PLCB4: variants seen among roughly 807,000 people sequenced by gnomAD.
The protein encoded by PLCB4 is phospholipase C beta 4, also known as 1-phosphatidylinositol 4,5-bisphosphate phosphodiesterase beta-4.
A neutral mutation model predicts 178.8 loss-of-function variants in PLCB4; 77 were observed. That is an observed-to-expected ratio of 0.43 (90% CI 0.36 to 0.52). The LOEUF (loss-of-function observed/expected upper bound fraction) is 0.52. PLCB4 is among the 20% of genes least tolerant of loss of function. The pLI is 0.00. For synonymous variants in PLCB4, 496 were observed against 490.8 expected (o/e 1.01, Z -0.14); for missense variants, 1,024 against 1,453.4 (o/e 0.70, Z 4.80).
At chr20:9,134,376 T>C (rs1465947245) in intron 2 of PLCB4, among the ~76,000 whole-genome samples, 2 of 152,196 alleles carry the variant, frequency 1.3e-5, no homozygotes, top group Non-Finnish European at 2.9e-5. Context: ...TTAGTACTTC[T>C]AACTTCATTC....
At position 9,362,762 on chromosome 20, in the gene PLCB4, T is replaced by A. The variant is rs181829249; in HGVS notation, c.370-134T>A. 1.2e-5 allele frequency: 8 copies of A among 643,376 alleles called. No individual in the cohort carries two copies. In the Admixed American group the frequency reaches 1.9e-4, roughly 16 times the overall value. 39.9% of individuals were successfully genotyped at this position (643,376 alleles called of 1,614,324 possible). A position where few individuals can be genotyped will look rare whatever the true frequency, so the allele number is the denominator to read the frequency against. On this transcript the variant is annotated intron_variant, in intron 7 of 39. Transcript: ENST00000378473. The stretch of plus-strand genomic sequence containing the variant: ...TATGAGCCTGCAAAATATAGATGGC[T>A]GTGTGACAGGAAAGGGACAAAAGAA...
intron 38 of PLCB4, among the ~76,000 whole-genome samples, chr20:9,476,495 G>T (rs2044552457): frequency 6.6e-6 from 1 of 152,158 alleles, no homozygotes; most frequent in South Asian, 2.1e-4. Context: ...GGCACAGTCT[G>T]GGAATGACAG....
chr20:9,313,773 A>G (rs993239190), intron 4 of PLCB4, among the ~76,000 whole-genome samples: 1 of 152,196 alleles, frequency 6.6e-6, no homozygotes, highest in African/African-American at 2.4e-5. Flanking sequence ...ACTCACCGCT[A>G]TACCACCACC....
Position 9,453,445 on chromosome 20 carries a change from G to A in PLCB4, c.2979G>A (p.Lys993=). 1 of 1,596,606 alleles carries A rather than the reference G, an allele frequency of 6.3e-7. No homozygotes were observed. Among genetic ancestry groups the A allele is most frequent in the Non-Finnish European group, 8.6e-7 (1 of 1,165,258 alleles). Residue 993 remains lysine (K), a synonymous_variant, in exon 33 of 40, where the codon AAG becomes AAA. Coordinates refer to ENST00000378473, the MANE Select transcript of PLCB4 (RefSeq NM_001377142.1). ...CGACTCATGAGAAAATCCTAGAGAAGGCAATGAAGAAGAAGGGGTAATACT... is the reference window on the plus strand; with the variant it reads ...CGACTCATGAGAAAATCCTAGAGAAAGCAATGAAGAAGAAGGGGTAATACT... ...EKSTHEKILE[K]AMKKKGGSNC...
rs182410957 is a variant in PLCB4 at position 9,312,221 on chromosome 20, C to T, written c.84+4323C>T. Among the ~76,000 whole-genome samples the T allele has an allele frequency of 3.4e-3, 515 of 152,122 alleles. 1 individual carries two copies. The highest frequency in any genetic ancestry group is 4.5e-3 in the Non-Finnish European group (307 of 67,996). ...CTCGTCTTTCCCACATCATAAATCC[C>T]AGCTCGGGCTACCCCTTCTTCTTGC... On this transcript the variant is annotated intron_variant, in intron 4 of 39. Coordinates refer to ENST00000378473, the MANE Select transcript of PLCB4 (RefSeq NM_001377142.1).
intron 7 of PLCB4, 90 bp from the exon 8 acceptor site, chr20:9,362,806 C>G: frequency 1.3e-6 from 1 of 774,202 alleles, no homozygotes; most frequent in Non-Finnish European, 2.3e-6. Context: ...GTTTTTATTA[C>G]ACAAAATGGA....
chr20:9,086,042 A>G (rs965211583), intron 1 of PLCB4, among the ~76,000 whole-genome samples: 3 of 152,170 alleles, frequency 2.0e-5, no homozygotes, highest in African/African-American at 7.2e-5. Flanking sequence ...ATGATTTAAA[A>G]TGTGTTAATT....
At chr20:9,327,408 A>C (rs1436839260) in intron 4 of PLCB4, among the ~76,000 whole-genome samples, 1 of 150,364 alleles carries the variant, frequency 6.7e-6, no homozygotes, top group Non-Finnish European at 1.5e-5. Flanking sequence ...TTGTACCAGG[A>C]GTTTGAAGCT....
chr20:9,384,954 C>T (rs941417982), intron 14 of PLCB4, among the ~76,000 whole-genome samples: 16 of 152,086 alleles, frequency 1.1e-4, no homozygotes, highest in African/African-American at 1.9e-4. Context: ...AGGTCCCTGC[C>T]GCCTTCGGCA....
intron 2 of PLCB4, among the ~76,000 whole-genome samples, chr20:9,170,508 C>T (rs987257874): frequency 1.3e-5 from 2 of 152,100 alleles, no homozygotes; most frequent in African/African-American, 4.8e-5. Context: ...TGGGCTGACA[C>T]ACCTGGTTTC....
intron 7 of PLCB4, among the ~76,000 whole-genome samples, chr20:9,341,973 T>C (rs925256218): frequency 6.6e-6 from 1 of 152,180 alleles, no homozygotes; most frequent in African/African-American, 2.4e-5. Flanking sequence ...GCATAATATA[T>C]AAATAAATAT....
At chr20:9,425,303 A>G (rs1244993289) in intron 28 of PLCB4, among the ~76,000 whole-genome samples, 1 of 152,258 alleles carries the variant, frequency 6.6e-6, no homozygotes, top group Non-Finnish European at 1.5e-5. Flanking sequence ...CTTAGAAAGC[A>G]GGAACTGTGG....
chr20:9,231,330 T>G (rs2093929541), intron 3 of PLCB4, among the ~76,000 whole-genome samples: 1 of 152,110 alleles, frequency 6.6e-6, no homozygotes, highest in Admixed American at 6.5e-5. Flanking sequence ...CGTATGAAGC[T>G]CTTACAGGAG....
chr20:9,194,483 G>A (rs1239675344), intron 2 of PLCB4, among the ~76,000 whole-genome samples: 1 of 151,782 alleles, frequency 6.6e-6, no homozygotes, highest in African/African-American at 2.4e-5. Context: ...TCAGGAGATC[G>A]AGACCATCCT....
intron 3 of PLCB4, among the ~76,000 whole-genome samples, chr20:9,291,366 C>T (rs568418611): frequency 2.0e-5 from 3 of 152,132 alleles, no homozygotes; most frequent in African/African-American, 7.2e-5. Flanking sequence ...CCAATTTGCA[C>T]AGTAAATTTC....
chr20:9,348,031 G>T (rs2033977431), intron 7 of PLCB4, among the ~76,000 whole-genome samples: 1 of 152,154 alleles, frequency 6.6e-6, no homozygotes, highest in South Asian at 2.1e-4. Context: ...AAAATAAAGT[G>T]TACCAGGAGC....
chr20:9,421,486 CT>C (rs1182140974), intron 27 of PLCB4, 25 bp downstream of exon 27: 1 of 1,597,228 alleles, frequency 6.3e-7, no homozygotes, highest in Admixed American at 1.7e-5. Flanking sequence ...GCACGTCAAA[CT>C]TACTCTAATA....
intron 27 of PLCB4, among the ~76,000 whole-genome samples, chr20:9,422,807 A>T (rs1023373889): frequency 2.0e-5 from 3 of 152,200 alleles, no homozygotes; most frequent in Non-Finnish European, 4.4e-5. Context: ...TATTCACTGC[A>T]TAAGGAGCAA....
intron 39 of PLCB4, among the ~76,000 whole-genome samples, chr20:9,478,570 C>T (rs1603134410): frequency 6.6e-6 from 1 of 152,270 alleles, no homozygotes; most frequent in East Asian, 1.9e-4. Context: ...GAAACTAAAT[C>T]AAACAGTTTG....
Sources: gnomAD v4.1 joint callset for allele counts (sites outside exome capture counted in the v4.1 genomes callset) on GRCh38, gnomAD v4.1.1 for gene constraint, MANE v1.5 for transcripts, NCBI Gene and HGNC (gene_info 2026-07-23, HGNC 2026-07-21) for gene names.